The following ZBTB20 variants were observed in gnomAD, a reference collection of about 807,000 sequenced individuals.
ZBTB20 encodes the protein zinc finger and BTB domain-containing protein 20.
Under a neutral mutation model 56.9 loss-of-function variants are expected in ZBTB20, and 9 were observed. That is an observed-to-expected ratio of 0.16 (90% CI 0.10 to 0.28). The LOEUF (loss-of-function observed/expected upper bound fraction) is 0.28, where lower values mean the gene tolerates loss of function less well. Among genes scored for constraint, ZBTB20 ranks in the 10% least tolerant of loss-of-function variants. The pLI is 1.00. For synonymous variants in ZBTB20, 417 were observed against 420.7 expected, an observed-to-expected ratio of 0.99 and a Z score of 0.11; for missense variants, 655 against 1,003.0, an observed-to-expected ratio of 0.65 and a Z score of 4.69.
chr3:114,845,328 T>C (rs1286606282), intron 4 of ZBTB20, among the ~76,000 whole-genome samples: 1 of 148,252 alleles, frequency 6.7e-6, no homozygotes, highest in Non-Finnish European at 1.5e-5. Flanking sequence ...AAAGCCATAT[T>C]CAATTTTTTG....
At chr3:114,835,236 A>C (rs2074059078) in intron 4 of ZBTB20, among the ~76,000 whole-genome samples, 1 of 152,180 alleles carries the variant, frequency 6.6e-6, no homozygotes. Flanking sequence ...TTTTTCCCTC[A>C]AAATAAGGCT....
chr3:114,539,736 C>T (rs1469934708), intron 6 of ZBTB20, among the ~76,000 whole-genome samples: 2 of 152,072 alleles, frequency 1.3e-5, no homozygotes. Context: ...GCTATACCCA[C>T]CCTTCCAGTT....
chr3:115,020,455 A>G (rs2080158442), intron 2 of ZBTB20, among the ~76,000 whole-genome samples: 1 of 151,160 alleles, frequency 6.6e-6, no homozygotes, highest in Non-Finnish European at 1.5e-5. Context: ...GGGAAACACT[A>G]CAGTCAGGTC....
intron 1 of ZBTB20, among the ~76,000 whole-genome samples, chr3:115,132,084 T>C (rs1027211123): frequency 4.6e-5 from 7 of 152,076 alleles, no homozygotes; most frequent in Admixed American, 2.0e-4. Flanking sequence ...GAAAAAAAAA[T>C]CTCCCAAGAT....
At chr3:114,553,402 A>G (rs2110213088) in intron 6 of ZBTB20, among the ~76,000 whole-genome samples, 2 of 152,254 alleles carry the variant, frequency 1.3e-5, no homozygotes, top group Middle Eastern at 3.4e-3. Context: ...TCTTCCAAGC[A>G]TTTCTTTGGT....
chr3:114,672,190 C>T (rs1270059886), intron 6 of ZBTB20, among the ~76,000 whole-genome samples: 2 of 152,110 alleles, frequency 1.3e-5, no homozygotes, highest in East Asian at 1.9e-4. Flanking sequence ...CTCATAACCA[C>T]TTCCTGTTAA....
At chr3:114,554,850 C>T (rs758781335) in intron 6 of ZBTB20, among the ~76,000 whole-genome samples, 4 of 152,298 alleles carry the variant, frequency 2.6e-5, no homozygotes, top group African/African-American at 4.8e-5. Context: ...GGAATTCACA[C>T]TTGCCAAAGA....
At chr3:114,958,638 C>T (rs367936284) in intron 3 of ZBTB20, among the ~76,000 whole-genome samples, 29 of 151,912 alleles carry the variant, frequency 1.9e-4, no homozygotes, top group African/African-American at 6.0e-4. Context: ...ACTTGAGGTC[C>T]GGAGTTTGAG....
chr3:115,030,858 T>C (rs1282077049), intron 2 of ZBTB20, among the ~76,000 whole-genome samples: 3 of 151,364 alleles, frequency 2.0e-5, no homozygotes, highest in Admixed American at 6.6e-5. Flanking sequence ...TATGAGTCTT[T>C]TCTCTCATTA....
chr3:114,680,783 G>A (rs1392281131), intron 6 of ZBTB20, among the ~76,000 whole-genome samples: 1 of 152,172 alleles, frequency 6.6e-6, no homozygotes, highest in Non-Finnish European at 1.5e-5. Context: ...GCCATCTGCA[G>A]GGTACAGATC....
At chr3:114,465,198 T>C (rs1221688866) in intron 7 of ZBTB20, among the ~76,000 whole-genome samples, 4 of 152,190 alleles carry the variant, frequency 2.6e-5, no homozygotes, top group Admixed American at 6.5e-5. Flanking sequence ...AGGATTTAGC[T>C]ACAGTTTGGT....
chr3:114,665,652 C>T (rs1374546966), intron 6 of ZBTB20, among the ~76,000 whole-genome samples: 1 of 151,976 alleles, frequency 6.6e-6, no homozygotes, highest in Non-Finnish European at 1.5e-5. Context: ...GTTCCTATAA[C>T]ATAACAACTC....
At chr3:114,800,266 C>CT (rs1560265325) in intron 5 of ZBTB20, among the ~76,000 whole-genome samples, 3 of 151,722 alleles carry the variant, frequency 2.0e-5, no homozygotes, top group Admixed American at 1.3e-4. Flanking sequence ...AAATGCTTTT[C>CT]TTTTTTTTCT....
At chr3:114,882,370 T>A (rs1441403458) in intron 4 of ZBTB20, among the ~76,000 whole-genome samples, 1 of 152,018 alleles carries the variant, frequency 6.6e-6, no homozygotes, top group East Asian at 1.9e-4. Flanking sequence ...GTCAGAAAAA[T>A]GTTTTTGAAG....
At chr3:114,471,115 A>G (rs2040078347) in intron 7 of ZBTB20, among the ~76,000 whole-genome samples, 2 of 152,210 alleles carry the variant, frequency 1.3e-5, no homozygotes, top group South Asian at 4.1e-4. Context: ...ACCAGCATAC[A>G]ACACTCAAGA....
chr3:114,607,460 C>A (rs906864198), intron 6 of ZBTB20, among the ~76,000 whole-genome samples: 3 of 151,818 alleles, frequency 2.0e-5, no homozygotes, highest in African/African-American at 7.3e-5. Context: ...GCACCCCCAA[C>A]GCCGGGCTAA....
In ZBTB20 at chr3:114,831,349, G is replaced by T. The variant is rs201314679; in HGVS notation, c.-416-30175C>A. 3.9e-4 allele frequency among the ~76,000 whole-genome samples: 59 copies of T among 151,760 alleles called. No homozygotes were observed. In the East Asian group the frequency reaches 8.9e-3, roughly 23 times the overall value. On this transcript the variant is annotated intron_variant, in intron 4 of 11. Transcript: ENST00000675478. ...TCCAGGCTTTACCAATTAATGGCTC[G>T]ATTTCCTTGGTGAATATATTTAAAG...
At chr3:114,772,197 C>G (rs537701131) in intron 5 of ZBTB20, among the ~76,000 whole-genome samples, 122 of 152,002 alleles carry the variant, frequency 8.0e-4, no homozygotes, top group African/African-American at 2.8e-3. Context: ...AAAAAGTAAC[C>G]GGGCATGGTG....
At chr3:114,380,675 G>T in intron 9 of ZBTB20, 102 bp downstream of exon 9, 1 of 1,417,654 alleles carries the variant, frequency 7.1e-7, no homozygotes, top group Non-Finnish European at 9.2e-7. Context: ...CAGAACTTTA[G>T]ACAGCTTGAG....
Sources: gnomAD v4.1 joint callset for allele counts (sites outside exome capture counted in the v4.1 genomes callset) on GRCh38, gnomAD v4.1.1 for gene constraint, MANE v1.5 for transcripts, NCBI Gene and HGNC (gene_info 2026-07-23, HGNC 2026-07-21) for gene names.